Variants in CSTF3 observed in about 807,000 individuals in gnomAD.
The protein encoded by CSTF3 is CF-1 77 kDa subunit.
CSTF3 carries 29 observed loss-of-function variants against 105.8 expected under a neutral mutation model. The observed-to-expected ratio is 0.27, with a 90% confidence interval of 0.20 to 0.37. CSTF3 has a LOEUF of 0.37. CSTF3 is among the 10% of genes least tolerant of loss of function. CSTF3 has a pLI of 1.00. For synonymous variants in CSTF3, 252 were observed against 281.9 expected, an observed-to-expected ratio of 0.89 and a Z score of 1.06; for missense variants, 357 against 879.3, an observed-to-expected ratio of 0.41 and a Z score of 7.51.
intron 3 of CSTF3, among the ~76,000 whole-genome samples, chr11:33,133,759 G>A (rs58206114): frequency 0.12 from 18,861 of 152,118 alleles, 2,961 homozygotes; most frequent in African/African-American, 0.37. Context: ...GTAGTGAGCC[G>A]AGATCACGCC....
At chr11:33,159,983 A>C (rs986446671) in intron 1 of CSTF3, among the ~76,000 whole-genome samples, 1 of 152,112 alleles carries the variant, frequency 6.6e-6, no homozygotes, top group Admixed American at 6.6e-5. Context: ...AAAACATTCA[A>C]GAGGTCATGG....
chr11:33,105,734 A>G (rs747249440), intron 7 of CSTF3, 41 bp from the exon 8 acceptor site: 1 of 1,605,664 alleles, frequency 6.2e-7, no homozygotes, highest in Admixed American at 1.7e-5. Flanking sequence ...TATTATAACC[A>G]AATCTCATTC....
chr11:33,137,918 A>G (rs1427337259), intron 3 of CSTF3, among the ~76,000 whole-genome samples: 1 of 151,838 alleles, frequency 6.6e-6, no homozygotes, highest in African/African-American at 2.4e-5. Context: ...AAAGGTATTA[A>G]AACAGTATCA....
chr11:33,108,599 C>A (rs1012968246), intron 3 of CSTF3, among the ~76,000 whole-genome samples, 181 bp from the exon 4 acceptor site: 81 of 152,122 alleles, frequency 5.3e-4, no homozygotes, highest in African/African-American at 1.8e-3. Flanking sequence ...TGTAAATATA[C>A]CTGTGTAAAT....
chr11:33,141,005 T>C (rs1350429696), intron 3 of CSTF3: 1 of 152,050 alleles, frequency 6.6e-6, no homozygotes, highest in African/African-American at 2.4e-5. Context: ...ATGGGGTCCT[T>C]ACTCTTTAAA....
intron 1 of CSTF3, among the ~76,000 whole-genome samples, chr11:33,151,781 C>G (rs187477354): frequency 1.3e-5 from 2 of 152,220 alleles, no homozygotes; most frequent in African/African-American, 4.8e-5. Flanking sequence ...GAAAAACTAC[C>G]AGACTTTAAA....
intron 17 of CSTF3, among the ~76,000 whole-genome samples, chr11:33,089,670 A>C (rs1855146215): frequency 6.6e-6 from 1 of 152,236 alleles, no homozygotes; most frequent in Non-Finnish European, 1.5e-5. Context: ...TCTGAATATC[A>C]ATTATGGGTA....
intron 1 of CSTF3, among the ~76,000 whole-genome samples, chr11:33,152,247 G>A (rs1849794253): frequency 6.6e-6 from 1 of 152,094 alleles, no homozygotes; most frequent in South Asian, 2.1e-4. Flanking sequence ...GCGACAGAGC[G>A]AGACTATGTC....
At chr11:33,144,809 C>T (rs998025186) in intron 1 of CSTF3, 4 of 166,298 alleles carry the variant, frequency 2.4e-5, no homozygotes, top group African/African-American at 4.8e-5. Flanking sequence ...GGCAGAATCC[C>T]GTCTCTACCC....
At chr11:33,111,055 C>T (rs950344797) in intron 3 of CSTF3, among the ~76,000 whole-genome samples, 5 of 151,992 alleles carry the variant, frequency 3.3e-5, no homozygotes, top group African/African-American at 1.2e-4. Flanking sequence ...AGAGTGAAAC[C>T]CCGTGTCTAC....
At chr11:33,156,367 C>T (rs1419337301) in intron 1 of CSTF3, among the ~76,000 whole-genome samples, 1 of 152,174 alleles carries the variant, frequency 6.6e-6, no homozygotes, top group Non-Finnish European at 1.5e-5. Flanking sequence ...ACTGTTACTT[C>T]TAAACAGCTT....
chr11:33,125,661 G>T (rs1288495728), intron 3 of CSTF3, among the ~76,000 whole-genome samples: 1 of 152,178 alleles, frequency 6.6e-6, no homozygotes, highest in Non-Finnish European at 1.5e-5. Context: ...GTCATCCTGA[G>T]TGTAGCTTTT....
intron 1 of CSTF3, among the ~76,000 whole-genome samples, chr11:33,160,012 G>A (rs1380828486): frequency 6.6e-6 from 1 of 151,942 alleles, no homozygotes; most frequent in African/African-American, 2.4e-5. Flanking sequence ...CCGTGTCTTT[G>A]TAATTTTAGA....
intron 3 of CSTF3, among the ~76,000 whole-genome samples, chr11:33,129,611 A>G (rs1474516712): frequency 1.3e-5 from 2 of 152,208 alleles, no homozygotes; most frequent in African/African-American, 4.8e-5. Context: ...TCATTCTACT[A>G]AAAGGCCACA....
At chr11:33,144,629 TAA>T (rs1412123723) in intron 1 of CSTF3, among the ~76,000 whole-genome samples, 3 of 152,138 alleles carry the variant, frequency 2.0e-5, no homozygotes, top group Admixed American at 6.5e-5. Context: ...CAAATAAACT[TAA>T]GAGAGATCAA....
At chr11:33,160,502 T>C (rs1849926317) in intron 1 of CSTF3, among the ~76,000 whole-genome samples, 1 of 152,190 alleles carries the variant, frequency 6.6e-6, no homozygotes, top group African/African-American at 2.4e-5. Context: ...GAAAAACACA[T>C]TTAATGGCAT....
intron 1 of CSTF3, among the ~76,000 whole-genome samples, chr11:33,149,589 C>T (rs1855831164): frequency 6.6e-6 from 1 of 152,190 alleles, no homozygotes; most frequent in South Asian, 2.1e-4. Flanking sequence ...AATCTGTTGC[C>T]AGAACAGGTC....
rs1165237548 is a variant in CSTF3 at position 33,161,363 on chromosome 11, T to C, written c.-38A>G. 1.2e-6 allele frequency: 2 copies of C among 1,610,140 alleles called. No individual in the cohort carries two copies. The highest frequency in any genetic ancestry group is 8.5e-7 in the Non-Finnish European group (1 of 1,179,508). The stretch of plus-strand genomic sequence containing the variant: ...TTACAACGTGCGCACTGACCGTCGA[T>C]GGGAAGCTAGAAAAGAAAAATTAAA... On this transcript the variant is annotated 5_prime_UTR_variant, in exon 1 of 21. Transcript: ENST00000323959.
Position 33,085,205 on chromosome 11 carries a change from A to G in CSTF3, c.2036T>C (p.Val679Ala). The G allele has an allele frequency of 6.2e-7, 1 of 1,612,484 alleles. No individual in the cohort carries two copies. Residue 679 changes from valine (V) to alanine (A), a missense_variant, in exon 21 of 21, where the codon GTA becomes GCA. By Grantham distance (64) the Val-to-Ala change is moderately conservative. Around this residue, in one of 4 missense-constraint regions of CSTF3, gnomAD observed 73 missense variants for 105.8 expected, o/e 0.69. Transcript: ENST00000323959. ...EGNGPVESNAVLTKAVKRPNE... is the reference protein window; with the variant it reads ...EGNGPVESNAALTKAVKRPNE... ...GGGCCTTTTGACGGCCTTGGTGAGT[A>G]CTGCATTACTTTCCACGGGGCCGTT...
Sources: gnomAD v4.1 joint callset for allele counts (sites outside exome capture counted in the v4.1 genomes callset) on GRCh38, gnomAD v4.1.1 for gene constraint, gnomAD v4.1.1 regional missense constraint, MANE v1.5 for transcripts, NCBI Gene and HGNC (gene_info 2026-07-23, HGNC 2026-07-21) for gene names.